Variants in OSBPL1A observed in about 807,000 individuals in gnomAD.
OSBPL1A encodes the protein oxysterol-binding protein-related protein 1.
OSBPL1A carries 80 observed loss-of-function variants against 137.1 expected under a neutral mutation model. That is an observed-to-expected ratio of 0.58 (90% CI 0.49 to 0.70). The LOEUF is 0.70. Ranked by LOEUF, OSBPL1A falls within the 30% of genes least tolerant of loss-of-function variation. The pLI is 0.00. For missense variants in OSBPL1A, 970 were observed against 1,129.4 expected, an observed-to-expected ratio of 0.86 and a Z score of 2.02; for synonymous variants, 365 against 389.7, an observed-to-expected ratio of 0.94 and a Z score of 0.75.
chr18:24,254,381 T>C (rs970920613), intron 15 of OSBPL1A, among the ~76,000 whole-genome samples: 2 of 152,190 alleles, frequency 1.3e-5, no homozygotes, highest in Admixed American at 6.5e-5. Context: ...TTTCATCCAA[T>C]GGCTACAGAA....
chr18:24,363,892 C>T (rs1349146701), intron 4 of OSBPL1A, among the ~76,000 whole-genome samples: 4 of 152,006 alleles, frequency 2.6e-5, no homozygotes, highest in African/African-American at 4.8e-5. Flanking sequence ...TCCACCTTGG[C>T]CTCCCAAAGT....
chr18:24,334,394 G>T, intron 5 of OSBPL1A, 64 bp from the exon 6 acceptor site: 1 of 1,320,928 alleles, frequency 7.6e-7, no homozygotes, highest in Non-Finnish European at 1.0e-6. Context: ...TCATTATAAA[G>T]AATAAAGTGA....
intron 15 of OSBPL1A, among the ~76,000 whole-genome samples, chr18:24,253,477 G>A (rs1263328801): frequency 6.6e-6 from 1 of 152,176 alleles, no homozygotes; most frequent in African/African-American, 2.4e-5. Context: ...AGACAGAACC[G>A]ATTTATCAAA....
intron 15 of OSBPL1A, among the ~76,000 whole-genome samples, chr18:24,268,193 G>A (rs561762009): frequency 9.2e-5 from 14 of 152,222 alleles, no homozygotes; most frequent in African/African-American, 3.4e-4. Context: ...TCGGCTCACT[G>A]CAACCTCCCC....
intron 16 of OSBPL1A, among the ~76,000 whole-genome samples, chr18:24,228,541 T>C (rs549508121): frequency 1.1e-4 from 17 of 152,298 alleles, no homozygotes; most frequent in African/African-American, 3.6e-4. Flanking sequence ...GCATAAGATC[T>C]GGTCCCTGCG....
intron 6 of OSBPL1A, 74 bp downstream of exon 6, chr18:24,334,171 C>T: frequency 8.2e-7 from 1 of 1,216,528 alleles, no homozygotes; most frequent in South Asian, 1.4e-5. Flanking sequence ...ATTTACTTAA[C>T]ATTAAGTAAA....
intron 17 of OSBPL1A, among the ~76,000 whole-genome samples, chr18:24,202,146 A>G (rs2145954458): frequency 6.6e-6 from 1 of 152,296 alleles, no homozygotes; most frequent in South Asian, 2.1e-4. Flanking sequence ...CATGGAGGCT[A>G]TAAAAGAACC....
At chr18:24,179,490 AAAG>A (rs1368174123) in intron 20 of OSBPL1A, among the ~76,000 whole-genome samples, 1 of 152,112 alleles carries the variant, frequency 6.6e-6, no homozygotes, top group African/African-American at 2.4e-5. Context: ...CATAAGGAAA[AAAG>A]GAGGGTGATT....
intron 2 of OSBPL1A, among the ~76,000 whole-genome samples, chr18:24,376,082 C>CA (rs200902947): frequency 0.014 from 2,191 of 152,238 alleles, 24 homozygotes; most frequent in South Asian, 0.028. Flanking sequence ...TTGCGAAGAG[C>CA]AAAAGAACAA....
intron 15 of OSBPL1A, among the ~76,000 whole-genome samples, chr18:24,264,350 GT>G (rs2089517770): frequency 1.3e-5 from 2 of 152,104 alleles, no homozygotes; most frequent in Admixed American, 1.3e-4. Flanking sequence ...GGGAGTAAGA[GT>G]ATTAGAGGGC....
rs185171815 is a variant in OSBPL1A, at chr18:24,311,684, C to T, written c.1092+300G>A. Among the ~76,000 whole-genome samples the T allele has an allele frequency of 5.3e-5, 8 of 152,314 alleles. No individual in the cohort carries two copies. In the East Asian group the frequency reaches 1.4e-3, roughly 26 times the overall value. On this transcript the variant is annotated intron_variant, in intron 13 of 27. Transcript: ENST00000319481. ...TCAAGCTATGCATGCTCCCCATCCTCGCAGCAACTTTCAAACAAAATGACG... is the reference window on the plus strand; with the variant it reads ...TCAAGCTATGCATGCTCCCCATCCTTGCAGCAACTTTCAAACAAAATGACG...
At chr18:24,329,737 T>C (rs1412487824) in intron 7 of OSBPL1A, among the ~76,000 whole-genome samples, 4 of 152,134 alleles carry the variant, frequency 2.6e-5, no homozygotes, top group Non-Finnish European at 4.4e-5. Flanking sequence ...TTTATGACTG[T>C]AGCATATAGT....
chr18:24,216,573 T>G (rs1289238464), intron 17 of OSBPL1A, among the ~76,000 whole-genome samples: 1 of 152,228 alleles, frequency 6.6e-6, no homozygotes, highest in African/African-American at 2.4e-5. Flanking sequence ...TTTTCTTATT[T>G]CACATTTACC....
chr18:24,369,510 C>T (rs544324380), intron 2 of OSBPL1A, among the ~76,000 whole-genome samples: 4 of 152,244 alleles, frequency 2.6e-5, no homozygotes, highest in African/African-American at 4.8e-5. Flanking sequence ...AGGGAAAGAG[C>T]GATGGTTTCA....
chr18:24,378,846 C>T (rs1906382081), intron 1 of OSBPL1A, among the ~76,000 whole-genome samples: 1 of 152,130 alleles, frequency 6.6e-6, no homozygotes, highest in East Asian at 1.9e-4. Context: ...ACCAGGAGGT[C>T]CCAGCAAGTG....
chr18:24,341,510 A>G (rs563310186), intron 5 of OSBPL1A, 37 bp downstream of exon 5: 8 of 1,502,784 alleles, frequency 5.3e-6, no homozygotes, highest in Non-Finnish European at 7.4e-6. Context: ...TTATAATGAA[A>G]GTAAATGCTG....
At chr18:24,295,127 T>C (rs1289391731) in intron 14 of OSBPL1A, among the ~76,000 whole-genome samples, 1 of 152,236 alleles carries the variant, frequency 6.6e-6, no homozygotes, top group East Asian at 1.9e-4. Context: ...TAAGATGGTA[T>C]CTCCTTGTGG....
chr18:24,298,203 G>T (rs1485733148), intron 14 of OSBPL1A, among the ~76,000 whole-genome samples: 1 of 152,184 alleles, frequency 6.6e-6, no homozygotes, highest in Non-Finnish European at 1.5e-5. Flanking sequence ...CTAAAAAGGG[G>T]AGGCATGAAT....
At chr18:24,365,121 T>G (rs2091684979) in intron 4 of OSBPL1A, among the ~76,000 whole-genome samples, 1 of 150,758 alleles carries the variant, frequency 6.6e-6, no homozygotes, top group African/African-American at 2.4e-5. Context: ...AAAAAGATAG[T>G]CTTTTCAATA....
Sources: gnomAD v4.1 joint callset for allele counts (sites outside exome capture counted in the v4.1 genomes callset) on GRCh38, gnomAD v4.1.1 for gene constraint, MANE v1.5 for transcripts, NCBI Gene and HGNC (gene_info 2026-07-23, HGNC 2026-07-21) for gene names.